The following TENM3 variants were observed in gnomAD, a reference collection of about 807,000 sequenced individuals.
TENM3 encodes teneurin transmembrane protein 3.
In TENM3, 63 loss-of-function variants were observed where a neutral mutation model predicts 255.1. The observed-to-expected ratio is 0.25, with a 90% CI of 0.20 to 0.30. The LOEUF (loss-of-function observed/expected upper bound fraction) is 0.30. TENM3 is among the 10% of genes least tolerant of loss of function. TENM3 has a pLI of 1.00. For missense variants in TENM3, 2,929 were observed against 3,461.1 expected, an observed-to-expected ratio of 0.85 and a Z score of 3.86; for synonymous variants, 1,306 against 1,322.3, an observed-to-expected ratio of 0.99 and a Z score of 0.27.
At chr4:181,858,761 C>T in the TENM3 span, among the ~76,000 whole-genome samples, 8 of 152,100 alleles carry the variant, frequency 5.3e-5, no homozygotes, top group Admixed American at 2.0e-4. Flanking sequence ...ATTGACTAGA[C>T]GGGCCAGAGA....
intron 3 of TENM3, among the ~76,000 whole-genome samples, chr4:182,354,764 A>C (rs1201395709): frequency 6.6e-6 from 1 of 152,240 alleles, no homozygotes; most frequent in Admixed American, 6.5e-5. Flanking sequence ...AATGCATGTT[A>C]AAATGGATAG....
chr4:181,472,298 T>G, the TENM3 span, among the ~76,000 whole-genome samples: 1 of 151,024 alleles, frequency 6.6e-6, no homozygotes, highest in Non-Finnish European at 1.5e-5. Context: ...GGGGAGGTAG[T>G]AGGGCAATGG....
chr4:181,872,860 T>G, the TENM3 span, among the ~76,000 whole-genome samples: 1 of 152,188 alleles, frequency 6.6e-6, no homozygotes, highest in Non-Finnish European at 1.5e-5. Flanking sequence ...ACATTTCAGC[T>G]GTCATCACCT....
At chr4:181,586,840 A>AAAAAC in the TENM3 span, among the ~76,000 whole-genome samples, 9 of 150,460 alleles carry the variant, frequency 6.0e-5, no homozygotes, top group Admixed American at 2.7e-4. Context: ...ACTCTGTCTC[A>AAAAAC]AAAACAAAAC....
intron 1 of TENM3, among the ~76,000 whole-genome samples, chr4:182,236,739 A>G (rs1756922017): frequency 6.6e-6 from 1 of 152,216 alleles, no homozygotes; most frequent in Non-Finnish European, 1.5e-5. Flanking sequence ...CTAAACCTCA[A>G]AACATGAAGC....
intron 5 of TENM3, among the ~76,000 whole-genome samples, chr4:182,632,964 C>CT (rs1401714593): frequency 2.0e-5 from 3 of 152,138 alleles, no homozygotes; most frequent in Non-Finnish European, 4.4e-5. Context: ...AGATCTCACT[C>CT]TGTCTCACAG....
the TENM3 span, among the ~76,000 whole-genome samples, chr4:181,765,352 G>C: frequency 6.6e-6 from 1 of 152,076 alleles, no homozygotes; most frequent in East Asian, 1.9e-4. Context: ...GGAAAAAATG[G>C]GATTATTTCT....
At chr4:182,447,452 A>C (rs1773022030) in intron 3 of TENM3, among the ~76,000 whole-genome samples, 1 of 152,190 alleles carries the variant, frequency 6.6e-6, no homozygotes, top group Non-Finnish European at 1.5e-5. Flanking sequence ...ACAAAAGTCA[A>C]GGTAAAGCTA....
chr4:182,196,347 G>A (rs947249288), intron 1 of TENM3, among the ~76,000 whole-genome samples: 3 of 152,066 alleles, frequency 2.0e-5, no homozygotes, highest in Non-Finnish European at 2.9e-5. Context: ...TCTAGATTCC[G>A]GACAGATTGG....
At chr4:182,311,462 T>C (rs895291270) in intron 1 of TENM3, among the ~76,000 whole-genome samples, 9 of 152,202 alleles carry the variant, frequency 5.9e-5, no homozygotes, top group African/African-American at 2.2e-4. Context: ...CTCCTCTTTG[T>C]TCTAAGGTTT....
the TENM3 span, among the ~76,000 whole-genome samples, chr4:181,827,365 G>C: frequency 6.6e-6 from 1 of 152,182 alleles, no homozygotes; most frequent in African/African-American, 2.4e-5. Context: ...GTAGAGTTCA[G>C]GTTCACCTCT....
chr4:182,358,493 G>A (rs1405198530), intron 3 of TENM3, among the ~76,000 whole-genome samples: 1 of 114,656 alleles, frequency 8.7e-6, no homozygotes, highest in African/African-American at 3.0e-5. Context: ...GTGAATGGGA[G>A]TTCCCTCATG....
the TENM3 span, among the ~76,000 whole-genome samples, chr4:181,540,429 T>C: frequency 6.6e-6 from 1 of 152,126 alleles, no homozygotes; most frequent in Non-Finnish European, 1.5e-5. Flanking sequence ...CCCCACTCCT[T>C]AAGTGCGGCT....
chr4:182,246,345 G>GCCCCCA (rs1757645281), intron 1 of TENM3, among the ~76,000 whole-genome samples: 1 of 149,474 alleles, frequency 6.7e-6, no homozygotes, highest in Non-Finnish European at 1.5e-5. Flanking sequence ...TTCGCTATGA[G>GCCCCCA]CCCCCACCCC....
At chr4:182,121,752 A>G in the TENM3 span, among the ~76,000 whole-genome samples, 2 of 152,174 alleles carry the variant, frequency 1.3e-5, no homozygotes, top group Non-Finnish European at 2.9e-5. Context: ...GTTCATGGCT[A>G]CTGATTAACC....
At chr4:182,616,662 A>T (rs1005389511) in intron 4 of TENM3, among the ~76,000 whole-genome samples, 3 of 151,172 alleles carry the variant, frequency 2.0e-5, no homozygotes, top group Admixed American at 6.6e-5. Context: ...CTCCCGGAAG[A>T]TTCCCAGCAG....
chr4:182,249,322 T>G (rs1757844723), intron 1 of TENM3, among the ~76,000 whole-genome samples: 1 of 152,234 alleles, frequency 6.6e-6, no homozygotes, highest in Admixed American at 6.5e-5. Flanking sequence ...AAATGATTAG[T>G]AAGCTTTTGC....
At chr4:182,582,055 G>C (rs1372107837) in intron 3 of TENM3, among the ~76,000 whole-genome samples, 1 of 152,218 alleles carries the variant, frequency 6.6e-6, no homozygotes. Flanking sequence ...TTTCATCTCT[G>C]TTCCCCTATT....
At chr4:181,564,011 T>TTC in the TENM3 span, among the ~76,000 whole-genome samples, 2 of 13,910 alleles carry the variant, frequency 1.4e-4, no homozygotes, top group South Asian at 6.1e-3. Context: ...AAATGATGTT[T>TTC]TCTTTTCTTT....
Sources: gnomAD v4.1 joint callset for allele counts (sites outside exome capture counted in the v4.1 genomes callset) on GRCh38, gnomAD v4.1.1 for gene constraint, MANE v1.5 for transcripts, NCBI Gene and HGNC (gene_info 2026-07-23, HGNC 2026-07-21) for gene names.